EXOC2: variants seen among roughly 807,000 people sequenced by gnomAD.
EXOC2 encodes the protein SEC5-like 1.
EXOC2 carries 70 observed loss-of-function variants against 131.8 expected under a neutral mutation model. That is an observed-to-expected ratio of 0.53 (90% CI 0.44 to 0.65). The LOEUF (loss-of-function observed/expected upper bound fraction) is 0.65. Among genes scored for constraint, EXOC2 ranks in the 30% least tolerant of loss-of-function variants. The pLI, the probability that EXOC2 is intolerant of heterozygous loss-of-function variation, is 0.00. For missense variants in EXOC2, 923 were observed against 1,108.6 expected (o/e 0.83, Z 2.38); for synonymous variants, 411 against 398.4 (o/e 1.03, Z -0.38).
chr6:629,234 A>C (rs1380628766), intron 4 of EXOC2, among the ~76,000 whole-genome samples: 1 of 152,212 alleles, frequency 6.6e-6, no homozygotes, highest in African/African-American at 2.4e-5. Flanking sequence ...CCAGAAGATA[A>C]ATTAGCTGCG....
chr6:664,000 T>C (rs1763528058), intron 1 of EXOC2, among the ~76,000 whole-genome samples: 1 of 152,168 alleles, frequency 6.6e-6, no homozygotes, highest in Non-Finnish European at 1.5e-5. Flanking sequence ...TCTGTCACTG[T>C]TTGCTGAAGA....
intron 23 of EXOC2, among the ~76,000 whole-genome samples, chr6:529,331 T>TG (rs1299365787): frequency 6.6e-6 from 1 of 152,362 alleles, no homozygotes; most frequent in African/African-American, 2.4e-5. Context: ...CGACTGCCCC[T>TG]GCCGGTGTTC....
chr6:529,317 T>C (rs1330141367), intron 23 of EXOC2, among the ~76,000 whole-genome samples: 1 of 152,238 alleles, frequency 6.6e-6, no homozygotes, highest in African/African-American at 2.4e-5. Context: ...CTGACAGACA[T>C]TCTCGACTGC....
chr6:497,345 T>A (rs758739526), intron 25 of EXOC2, 22 bp downstream of exon 25: 1 of 1,609,044 alleles, frequency 6.2e-7, no homozygotes, highest in East Asian at 2.2e-5. Context: ...AAGTTCAATA[T>A]GAAATTGAAT....
intron 22 of EXOC2, among the ~76,000 whole-genome samples, chr6:533,736 T>C (rs1389186655): frequency 6.6e-6 from 1 of 151,944 alleles, no homozygotes; most frequent in Non-Finnish European, 1.5e-5. Flanking sequence ...GCATGGAGGA[T>C]ATGGGAAGTC....
intron 27 of EXOC2, among the ~76,000 whole-genome samples, chr6:487,541 A>C (rs549026949): frequency 7.4e-4 from 113 of 152,100 alleles, no homozygotes; most frequent in Non-Finnish European, 1.4e-3. Context: ...TGAGTAGCTG[A>C]AACTACAGGT....
intron 26 of EXOC2, among the ~76,000 whole-genome samples, chr6:489,537 T>C (rs112508759): frequency 3.3e-5 from 5 of 152,346 alleles, no homozygotes; most frequent in African/African-American, 1.2e-4. Context: ...GAGAGCTATA[T>C]AGATGCTTTA....
chr6:678,996 A>C (rs1417812444), intron 1 of EXOC2: 1 of 152,074 alleles, frequency 6.6e-6, no homozygotes, highest in Non-Finnish European at 1.5e-5. Context: ...TATACATATA[A>C]TTTTAATTAT....
At chr6:639,618 C>G (rs796548138) in intron 1 of EXOC2, among the ~76,000 whole-genome samples, 1 of 152,198 alleles carries the variant, frequency 6.6e-6, no homozygotes, top group African/African-American at 2.4e-5. Context: ...GATCCTGACA[C>G]CTGAGTGTCT....
chr6:660,051 G>C (rs889819271), intron 1 of EXOC2, among the ~76,000 whole-genome samples: 1 of 151,936 alleles, frequency 6.6e-6, no homozygotes, highest in East Asian at 1.9e-4. Flanking sequence ...AGTTTTGCGT[G>C]GGAGCTGGGT....
intron 1 of EXOC2, among the ~76,000 whole-genome samples, chr6:646,314 CATAG>C (rs1324694320): frequency 2.5e-5 from 2 of 80,792 alleles, no homozygotes; most frequent in East Asian, 3.7e-4. Context: ...TTCACAAAAA[CATAG>C]ACAGACAGAT....
intron 12 of EXOC2, 40 bp from the exon 13 acceptor site, chr6:572,684 G>T: frequency 6.3e-7 from 1 of 1,596,822 alleles, no homozygotes; most frequent in Non-Finnish European, 8.5e-7. Flanking sequence ...TTGTACTTCT[G>T]AATCAAGAAA....
intron 6 of EXOC2, among the ~76,000 whole-genome samples, chr6:617,477 T>C (rs938372993): frequency 2.6e-5 from 4 of 152,262 alleles, no homozygotes; most frequent in African/African-American, 9.6e-5. Flanking sequence ...AGAGTTAAAG[T>C]AGTCTCCCAT....
intron 1 of EXOC2, among the ~76,000 whole-genome samples, chr6:688,598 A>C (rs1562018386): frequency 6.6e-6 from 1 of 152,188 alleles, no homozygotes; most frequent in Non-Finnish European, 1.5e-5. Flanking sequence ...CAGTTCCAAC[A>C]CTGAGGCAGT....
intron 1 of EXOC2, among the ~76,000 whole-genome samples, chr6:685,501 G>A (rs1157353800): frequency 6.6e-6 from 1 of 152,130 alleles, no homozygotes; most frequent in Non-Finnish European, 1.5e-5. Context: ...CGGGAAAATG[G>A]TGATTTTCTT....
chr6:542,700 G>A (rs540467596), intron 22 of EXOC2, among the ~76,000 whole-genome samples: 58 of 152,202 alleles, frequency 3.8e-4, no homozygotes, highest in Non-Finnish European at 7.3e-4. Context: ...ACAGATAAAT[G>A]TTCCTACAAC....
intron 1 of EXOC2, among the ~76,000 whole-genome samples, chr6:654,793 G>T (rs1762986561): frequency 2.7e-5 from 2 of 75,340 alleles, no homozygotes; most frequent in South Asian, 5.2e-4. Flanking sequence ...GACAGAGTAA[G>T]ACCCTGTCTC....
intron 1 of EXOC2, among the ~76,000 whole-genome samples, chr6:680,421 G>T (rs1329530296): frequency 1.3e-5 from 2 of 152,180 alleles, no homozygotes; most frequent in Non-Finnish European, 2.9e-5. Flanking sequence ...GCACACCAGG[G>T]GTCAATTATC....
intron 1 of EXOC2, among the ~76,000 whole-genome samples, chr6:645,428 A>C (rs1017863398): frequency 6.6e-6 from 1 of 152,200 alleles, no homozygotes; most frequent in Non-Finnish European, 1.5e-5. Context: ...AAAAACACTA[A>C]ATTTTCTGAC....
Sources: allele counts gnomAD v4.1 joint callset (sites outside exome capture counted in the v4.1 genomes callset), GRCh38; gene constraint gnomAD v4.1.1; transcripts MANE v1.5; gene names NCBI Gene and HGNC (gene_info 2026-07-23, HGNC 2026-07-21).